Variants in RANBP2 observed in about 807,000 individuals in gnomAD.
The protein encoded by RANBP2 is RAN binding protein 2.
In RANBP2, 57 loss-of-function variants were observed where a neutral mutation model predicts 303.6. The ratio of observed to expected loss-of-function variants is 0.19; its 90% CI spans 0.15 to 0.23. RANBP2 has a LOEUF of 0.23. Ranked by LOEUF, RANBP2 falls within the 10% of genes least tolerant of loss-of-function variation. The pLI, the probability that RANBP2 is intolerant of heterozygous loss-of-function variation, is 1.00. For synonymous variants in RANBP2, 1,167 were observed against 1,301.5 expected, an observed-to-expected ratio of 0.90 and a Z score of 2.23; for missense variants, 3,138 against 3,780.8, an observed-to-expected ratio of 0.83 and a Z score of 4.46.
chr2:108,913,218 G>T, the RANBP2 span, among the ~76,000 whole-genome samples: 1 of 151,964 alleles, frequency 6.6e-6, no homozygotes, highest in Non-Finnish European at 1.5e-5. Flanking sequence ...CAAAGTGCTG[G>T]GATTACAGGC....
the RANBP2 span, among the ~76,000 whole-genome samples, chr2:108,874,146 T>A: frequency 6.6e-6 from 1 of 152,194 alleles, no homozygotes; most frequent in Admixed American, 6.5e-5. Context: ...TGGTATTCTG[T>A]AATACCACAG....
chr2:109,691,968 G>A, the RANBP2 span, among the ~76,000 whole-genome samples: 1 of 151,940 alleles, frequency 6.6e-6, no homozygotes. Context: ...TTTTTTAGTA[G>A]AGACGAGGTT....
chr2:109,730,601 T>G, the RANBP2 span, among the ~76,000 whole-genome samples: 4 of 152,078 alleles, frequency 2.6e-5, no homozygotes, highest in African/African-American at 9.7e-5. Context: ...TACCATAGAT[T>G]GGGTGACTCA....
the RANBP2 span, among the ~76,000 whole-genome samples, chr2:109,037,346 GAA>G: frequency 8.9e-6 from 1 of 111,750 alleles, no homozygotes; most frequent in African/African-American, 3.4e-5. Context: ...AAAAAAAAAA[GAA>G]CCAAATACTT....
At chr2:109,402,287 C>T in the RANBP2 span, among the ~76,000 whole-genome samples, 1 of 152,268 alleles carries the variant, frequency 6.6e-6, no homozygotes, top group African/African-American at 2.4e-5. Flanking sequence ...GAGCCAGACT[C>T]AGGTCCTGCT....
At chr2:108,785,814 T>C (rs796169733), downstream of RANBP2, 1 of 152,260 alleles carries the variant, frequency 6.6e-6, no homozygotes, top group Non-Finnish European at 1.5e-5. Flanking sequence ...TTTGTACATC[T>C]TAAGTGGTAC....
the RANBP2 span, among the ~76,000 whole-genome samples, chr2:109,588,477 T>C: frequency 6.6e-6 from 1 of 152,146 alleles, no homozygotes; most frequent in African/African-American, 2.4e-5. Context: ...GTTTCTACAG[T>C]ATACATAAAG....
At chr2:109,725,755 C>T in the RANBP2 span, among the ~76,000 whole-genome samples, 419 of 151,916 alleles carry the variant, frequency 2.8e-3, 4 homozygotes, top group Middle Eastern at 0.017. Flanking sequence ...TTTTTTGAGA[C>T]GGAGTCTTGC....
chr2:109,252,090 T>TA, the RANBP2 span, among the ~76,000 whole-genome samples: 1 of 62,342 alleles, frequency 1.6e-5, no homozygotes, highest in African/African-American at 1.1e-4. Flanking sequence ...CTACAAAAAA[T>TA]ACAAATAGCT....
chr2:109,290,923 A>G, the RANBP2 span, among the ~76,000 whole-genome samples: 1 of 152,238 alleles, frequency 6.6e-6, no homozygotes, highest in Non-Finnish European at 1.5e-5. Flanking sequence ...ATTCGTTGAG[A>G]ATAGCTGCTT....
chr2:108,835,194 A>G, the RANBP2 span, among the ~76,000 whole-genome samples: 28 of 152,288 alleles, frequency 1.8e-4, no homozygotes, highest in African/African-American at 6.7e-4. Context: ...TGAAATGACT[A>G]CTGTAGTGTA....
the RANBP2 span, among the ~76,000 whole-genome samples, chr2:109,388,690 C>T: frequency 7.9e-5 from 12 of 152,216 alleles, no homozygotes; most frequent in South Asian, 2.5e-3. Context: ...CAGCACTAAA[C>T]ATTTGAAGCA....
At chr2:109,040,822 G>A in the RANBP2 span, among the ~76,000 whole-genome samples, 435 of 152,270 alleles carry the variant, frequency 2.9e-3, 2 homozygotes, top group African/African-American at 9.7e-3. Flanking sequence ...TTGGGAGGCC[G>A]AGGCAGGTGG....
chr2:108,783,136 T>G (rs1242861437), intron 28 of RANBP2, among the ~76,000 whole-genome samples: 1 of 151,618 alleles, frequency 6.6e-6, no homozygotes, highest in Non-Finnish European at 1.5e-5. Context: ...CCCCGGAATT[T>G]GAGACCAGCC....
rs779416468 is a variant in RANBP2, at chr2:108,764,117, A to G, written c.3578A>G (p.Glu1193Gly). The G allele has an allele frequency of 3.7e-6, 6 of 1,614,120 alleles. No individual in the cohort carries two copies. Among genetic ancestry groups the G allele is most frequent in the Non-Finnish European group, 5.1e-6 (6 of 1,180,000 alleles). ...EVKTGEEDEE[E>G]FFCNRAKLFR... ...AAAACTGGTGAGGAAGATGAAGAAGAATTCTTTTGCAACCGCGCGAAATTG... is the reference window on the plus strand; with the variant it reads ...AAAACTGGTGAGGAAGATGAAGAAGGATTCTTTTGCAACCGCGCGAAATTG... Residue 1193 changes from glutamate to glycine, a missense_variant, in exon 20 of 29, where the codon GAA becomes GGA. Coordinates refer to ENST00000283195, the MANE Select transcript of RANBP2 (RefSeq NM_006267.5).
Position 108,719,561 on chromosome 2 carries a change from C to T in RANBP2, c.-46C>T. The T allele has an allele frequency of 6.3e-7, 1 of 1,577,198 alleles. No homozygotes were observed. The highest frequency in any genetic ancestry group is 8.6e-7 in the Non-Finnish European group (1 of 1,163,286). ...TCTTGGAAGTGGCGACTGCTGCGGGCCTGAGCGCTGGTCTCACGCGCCTCG... is the reference window on the plus strand; with the variant it reads ...TCTTGGAAGTGGCGACTGCTGCGGGTCTGAGCGCTGGTCTCACGCGCCTCG... On this transcript the variant is annotated 5_prime_UTR_variant, in exon 1 of 29. Transcript: ENST00000283195.
At chr2:108,929,378 G>T in the RANBP2 span, 1 of 1,614,066 alleles carries the variant, frequency 6.2e-7, no homozygotes, top group Non-Finnish European at 8.5e-7. Context: ...GTAGCCACAG[G>T]ACTGTCCAGG....
chr2:108,803,217 G>A, the RANBP2 span, among the ~76,000 whole-genome samples: 1 of 152,164 alleles, frequency 6.6e-6, no homozygotes, highest in Non-Finnish European at 1.5e-5. Context: ...TACTGCTTTT[G>A]GTCTGTCCTG....
At chr2:108,726,237 T>C (rs1694693576) in intron 1 of RANBP2, among the ~76,000 whole-genome samples, 1 of 152,360 alleles carries the variant, frequency 6.6e-6, no homozygotes, top group East Asian at 1.9e-4. Context: ...ATATTCATGC[T>C]GTATGTGCTC....
Sources: allele counts gnomAD v4.1 joint callset (sites outside exome capture counted in the v4.1 genomes callset), GRCh38; gene constraint gnomAD v4.1.1; transcripts MANE v1.5; gene names NCBI Gene and HGNC (gene_info 2026-07-23, HGNC 2026-07-21).